ZNF438: variants seen among roughly 807,000 people sequenced by gnomAD.
ZNF438 encodes the protein zinc finger protein 438.
ZNF438 carries 25 observed loss-of-function variants against 38.0 expected under a neutral mutation model. That is an observed-to-expected ratio of 0.66 (90% confidence interval 0.48 to 0.92). The LOEUF is 0.92. Ranked by LOEUF, ZNF438 falls within the 40% of genes least tolerant of loss-of-function variation. The probability of loss-of-function intolerance (pLI) is 0.00; values close to 1 mark genes in which losing one functional copy is unlikely to be tolerated. For synonymous variants in ZNF438, 372 were observed against 364.1 expected, an observed-to-expected ratio of 1.02 and a Z score of -0.25; for missense variants, 1,007 against 999.6, an observed-to-expected ratio of 1.01 and a Z score of -0.10.
chr10:30,923,574 C>T (rs923605967), intron 2 of ZNF438, among the ~76,000 whole-genome samples: 3 of 152,178 alleles, frequency 2.0e-5, no homozygotes, highest in Non-Finnish European at 4.4e-5. Flanking sequence ...CTGTTACGCG[C>T]ACCCTTTCCC....
intron 1 of ZNF438, among the ~76,000 whole-genome samples, chr10:31,026,167 A>G (rs1475639113): frequency 2.6e-5 from 4 of 152,226 alleles, no homozygotes; most frequent in African/African-American, 4.8e-5. Context: ...ACCATTCAGG[A>G]CATAGGCATG....
At chr10:30,999,261 A>G (rs2054400707) in intron 1 of ZNF438, 1 of 152,228 alleles carries the variant, frequency 6.6e-6, no homozygotes, top group African/African-American at 2.4e-5. Flanking sequence ...ACCAAAGTAG[A>G]ATAACAGTTT....
At chr10:30,988,407 T>G (rs547675841) in intron 1 of ZNF438, among the ~76,000 whole-genome samples, 1 of 152,186 alleles carries the variant, frequency 6.6e-6, no homozygotes, top group Non-Finnish European at 1.5e-5. Context: ...TTTTAAAATT[T>G]TTTTTCCAGG....
At chr10:30,878,127 T>A (rs1302297882) in intron 3 of ZNF438, among the ~76,000 whole-genome samples, 1 of 152,202 alleles carries the variant, frequency 6.6e-6, no homozygotes, top group Non-Finnish European at 1.5e-5. Context: ...CAAGTCAAAG[T>A]AGCCTGAAAC....
At chr10:30,845,774 A>G (rs2031889288) in intron 5 of ZNF438, among the ~76,000 whole-genome samples, 1 of 152,174 alleles carries the variant, frequency 6.6e-6, no homozygotes, top group Non-Finnish European at 1.5e-5. Context: ...GTGGCCACAC[A>G]TTTCTCCAGC....
chr10:30,880,380 G>A (rs1480981905), intron 3 of ZNF438, among the ~76,000 whole-genome samples: 1 of 143,428 alleles, frequency 7.0e-6, no homozygotes, highest in South Asian at 2.2e-4. Flanking sequence ...GCAGTGAGCC[G>A]AGATTGTGCT....
intron 2 of ZNF438, among the ~76,000 whole-genome samples, chr10:30,915,574 C>T (rs1019529577): frequency 1.5e-4 from 22 of 151,638 alleles, no homozygotes; most frequent in Admixed American, 7.2e-4. Context: ...CAGTGTCCAA[C>T]CTTAATTTTC....
intron 1 of ZNF438, among the ~76,000 whole-genome samples, chr10:30,956,019 C>A (rs555238059): frequency 1.3e-5 from 2 of 152,286 alleles, no homozygotes; most frequent in South Asian, 4.1e-4. Flanking sequence ...TATACTCCAA[C>A]TAAATCACTG....
In ZNF438 at chr10:31,025,550, A is replaced by AT. The variant is rs577679028; in HGVS notation, c.-192+6282dup. Among the ~76,000 whole-genome samples, 521 of 152,340 alleles carry AT rather than the reference A, an allele frequency of 3.4e-3. 2 individuals carry two copies. Among genetic ancestry groups the AT allele is most frequent in the Middle Eastern group, 0.017 (5 of 294 alleles). ...AATAGCTTTGCAATTGAAGAACCAA[A>AT]TAAGAAAATACTCCCTGTAGAATAG... On this transcript the variant is annotated intron_variant, in intron 1 of 5. Transcript: ENST00000413025.
chr10:30,872,425 CAAAAAAAAAAAAAAAAAAAAAAAAAA>C (rs566401687), intron 4 of ZNF438, among the ~76,000 whole-genome samples: 4 of 58,696 alleles, frequency 6.8e-5, no homozygotes, highest in African/African-American at 2.4e-4. Flanking sequence ...GACTCTGTCT[CAAAAAAAAAAAAAAAAAAAAAAAAAA>C]AAAAAAAAAA....
At chr10:30,922,612 T>C (rs1329421110) in intron 2 of ZNF438, among the ~76,000 whole-genome samples, 1 of 152,132 alleles carries the variant, frequency 6.6e-6, no homozygotes. Flanking sequence ...GGCGGGCAGA[T>C]CACCTGAGGT....
rs370070212 is a variant in ZNF438 at position 30,982,380 on chromosome 10, C to T, written c.-191-40729G>A. Among the ~76,000 whole-genome samples the T allele has an allele frequency of 3.3e-4, 50 of 152,276 alleles. 1 individual carries two copies. Among genetic ancestry groups the T allele is most frequent in the African/African-American group, 1.1e-3 (46 of 41,546 alleles). ...TCTCACAAAGTGCTGAGATTATAGG[C>T]ATCAGCCACCGCGCCCGGCCATCCT... On this transcript the variant is annotated intron_variant, in intron 1 of 5. Transcript: ENST00000413025.
At chr10:31,021,381 T>C (rs2056580855) in intron 1 of ZNF438, among the ~76,000 whole-genome samples, 1 of 152,010 alleles carries the variant, frequency 6.6e-6, no homozygotes, top group Admixed American at 6.6e-5. Context: ...TAAATAGTTA[T>C]AGATAGTACA....
chr10:30,885,922 AT>A (rs758374818), intron 3 of ZNF438, among the ~76,000 whole-genome samples: 1 of 152,182 alleles, frequency 6.6e-6, no homozygotes. Flanking sequence ...AAGAACTGTT[AT>A]TTTAGAAGCA....
intron 1 of ZNF438, among the ~76,000 whole-genome samples, chr10:30,977,381 C>T (rs2051494260): frequency 6.6e-6 from 1 of 152,186 alleles, no homozygotes; most frequent in Non-Finnish European, 1.5e-5. Flanking sequence ...TATGGGGTGA[C>T]AGGGGAAGGT....
intron 2 of ZNF438, among the ~76,000 whole-genome samples, chr10:30,931,630 G>A (rs904681229): frequency 3.9e-5 from 6 of 152,126 alleles, no homozygotes; most frequent in Non-Finnish European, 7.4e-5. Flanking sequence ...CGTCTTCAAG[G>A]TAGCAGTATC....
intron 1 of ZNF438, among the ~76,000 whole-genome samples, chr10:30,986,573 A>G (rs1192060258): frequency 6.6e-6 from 1 of 152,204 alleles, no homozygotes; most frequent in African/African-American, 2.4e-5. Flanking sequence ...TGCAGTTACA[A>G]ATAAATTTTA....
chr10:30,985,926 A>C (rs2052730265), intron 1 of ZNF438, among the ~76,000 whole-genome samples: 1 of 152,224 alleles, frequency 6.6e-6, no homozygotes, highest in Admixed American at 6.5e-5. Flanking sequence ...AACAGACTGC[A>C]TATATGATGG....
At chr10:30,962,375 T>C (rs2049593483) in intron 1 of ZNF438, among the ~76,000 whole-genome samples, 1 of 147,304 alleles carries the variant, frequency 6.8e-6, no homozygotes, top group African/African-American at 2.4e-5. Context: ...CACATCTAAA[T>C]AACGTGCATG....
Sources: gnomAD v4.1 joint callset for allele counts (sites outside exome capture counted in the v4.1 genomes callset) on GRCh38, gnomAD v4.1.1 for gene constraint, MANE v1.5 for transcripts, NCBI Gene and HGNC (gene_info 2026-07-23, HGNC 2026-07-21) for gene names.